DLG2: variants seen among roughly 807,000 people sequenced by gnomAD.
DLG2 encodes the protein discs large MAGUK scaffold protein 2.
A neutral mutation model predicts 132.5 loss-of-function variants in DLG2; 45 were observed. That is an observed-to-expected ratio of 0.34 (90% CI 0.27 to 0.44). The LOEUF (loss-of-function observed/expected upper bound fraction) is 0.44, where lower values mean the gene tolerates loss of function less well. DLG2 is among the 20% of genes least tolerant of loss of function. The pLI is 1.00. For synonymous variants in DLG2, 424 were observed against 419.6 expected (o/e 1.01, Z -0.13); for missense variants, 1,045 against 1,196.9 (o/e 0.87, Z 1.87).
intron 3 of DLG2, among the ~76,000 whole-genome samples, chr11:85,539,025 T>G (rs1233688134): frequency 1.3e-5 from 2 of 151,902 alleles, no homozygotes; most frequent in East Asian, 3.9e-4. Flanking sequence ...AAAAAACACC[T>G]TCTCAGATCC....
At chr11:84,118,433 A>T (rs2093743295) in intron 9 of DLG2, among the ~76,000 whole-genome samples, 1 of 152,228 alleles carries the variant, frequency 6.6e-6, no homozygotes, top group Non-Finnish European at 1.5e-5. Context: ...AATCTAATTC[A>T]TATTTCTCTT....
intron 6 of DLG2, among the ~76,000 whole-genome samples, chr11:85,056,706 T>G (rs1222834417): frequency 4.0e-5 from 6 of 151,726 alleles, no homozygotes; most frequent in Admixed American, 3.3e-4. Flanking sequence ...CATACAATAA[T>G]CAAATTGCTG....
At chr11:83,965,874 T>G (rs1323348509) in intron 12 of DLG2, among the ~76,000 whole-genome samples, 1 of 152,034 alleles carries the variant, frequency 6.6e-6, no homozygotes, top group Admixed American at 6.6e-5. Context: ...ATTTTGACTT[T>G]ATTATACACA....
At chr11:85,316,861 G>A (rs986752387) in intron 3 of DLG2, among the ~76,000 whole-genome samples, 3 of 151,840 alleles carry the variant, frequency 2.0e-5, no homozygotes, top group Non-Finnish European at 4.4e-5. Context: ...ATAAAAGTAC[G>A]GTCCCCACCA....
intron 10 of DLG2, among the ~76,000 whole-genome samples, chr11:84,093,970 T>G (rs1028607454): frequency 2.0e-5 from 3 of 151,834 alleles, no homozygotes; most frequent in Non-Finnish European, 4.4e-5. Flanking sequence ...TTTTATTTTT[T>G]ATTTTTTATT....
intron 6 of DLG2, among the ~76,000 whole-genome samples, chr11:84,921,272 A>T (rs1591328654): frequency 6.6e-6 from 1 of 152,168 alleles, no homozygotes; most frequent in South Asian, 2.1e-4. Flanking sequence ...AGAGCTAATT[A>T]CTGAAAAGGT....
intron 6 of DLG2, among the ~76,000 whole-genome samples, chr11:84,700,405 T>C (rs1468188148): frequency 6.6e-6 from 1 of 151,592 alleles, no homozygotes; most frequent in African/African-American, 2.4e-5. Context: ...TTGATGTGTA[T>C]TGAGACATTT....
intron 7 of DLG2, among the ~76,000 whole-genome samples, chr11:84,450,042 C>CA (rs561094957): frequency 1.6e-4 from 24 of 151,794 alleles, no homozygotes; most frequent in African/African-American, 5.8e-4. Context: ...TTAATCCTCA[C>CA]AAAAAATACC....
intron 21 of DLG2, among the ~76,000 whole-genome samples, chr11:83,502,753 G>A (rs542353924): frequency 2.6e-5 from 4 of 152,094 alleles, no homozygotes; most frequent in South Asian, 4.2e-4. Context: ...AAACCTATAA[G>A]CTGATTTACC....
chr11:83,472,620 G>A (rs1489128506), intron 23 of DLG2, 107 bp downstream of exon 23: 11 of 926,714 alleles, frequency 1.2e-5, no homozygotes, highest in Non-Finnish European at 1.9e-5. Flanking sequence ...AGACAACAGA[G>A]CATTAAGCCG....
intron 6 of DLG2, among the ~76,000 whole-genome samples, chr11:84,737,978 ATTTG>A (rs879617379): frequency 4.7e-4 from 72 of 152,024 alleles, no homozygotes; most frequent in Admixed American, 7.2e-4. Flanking sequence ...TGGGGATTTT[ATTTG>A]TTTGTTTTGC....
At chr11:85,096,064 ATCAGCACTCTGTAAAATGGAATAAG>A (rs1566838515) in intron 6 of DLG2, among the ~76,000 whole-genome samples, 2 of 152,156 alleles carry the variant, frequency 1.3e-5, no homozygotes, top group Non-Finnish European at 2.9e-5. Flanking sequence ...AAACGTACCA[ATCAGCACTCTGTAAAATGGAATAAG>A]TCAGCACTCT....
At chr11:85,426,617 C>A (rs905501700) in intron 3 of DLG2, among the ~76,000 whole-genome samples, 1 of 152,080 alleles carries the variant, frequency 6.6e-6, no homozygotes, top group Non-Finnish European at 1.5e-5. Context: ...CACACCAAAA[C>A]CCCATCTGTA....
intron 7 of DLG2, among the ~76,000 whole-genome samples, chr11:84,385,740 G>A (rs1471860376): frequency 1.3e-5 from 2 of 152,190 alleles, no homozygotes; most frequent in East Asian, 3.9e-4. Flanking sequence ...TGAAAAGATT[G>A]TATATACCTT....
chr11:84,901,164 C>T (rs2090835590), intron 6 of DLG2, among the ~76,000 whole-genome samples: 1 of 151,954 alleles, frequency 6.6e-6, no homozygotes, highest in Non-Finnish European at 1.5e-5. Context: ...AGAAAAGATC[C>T]CCAACAATAG....
chr11:84,574,709 A>G (rs1002167748), intron 6 of DLG2, among the ~76,000 whole-genome samples: 16 of 152,136 alleles, frequency 1.1e-4, no homozygotes, highest in Non-Finnish European at 2.4e-4. Flanking sequence ...ACATTTTCTG[A>G]CCATTGATCA....
At chr11:85,555,993 T>G (rs779743467) in intron 3 of DLG2, among the ~76,000 whole-genome samples, 1 of 151,860 alleles carries the variant, frequency 6.6e-6, no homozygotes, top group Admixed American at 6.6e-5. Flanking sequence ...CTCATGTCCA[T>G]GTATACATAA....
intron 6 of DLG2, among the ~76,000 whole-genome samples, chr11:84,919,453 A>T (rs1249698166): frequency 6.6e-6 from 1 of 152,168 alleles, no homozygotes; most frequent in Non-Finnish European, 1.5e-5. Context: ...TTTTAAAAAT[A>T]AAGGAGCAGA....
intron 6 of DLG2, among the ~76,000 whole-genome samples, chr11:84,657,482 C>T (rs2099689617): frequency 6.6e-6 from 1 of 152,116 alleles, no homozygotes; most frequent in Non-Finnish European, 1.5e-5. Flanking sequence ...ACCCTTTTGA[C>T]ACCAGGAAAC....
Sources: allele counts gnomAD v4.1 joint callset (sites outside exome capture counted in the v4.1 genomes callset), GRCh38; gene constraint gnomAD v4.1.1; transcripts MANE v1.5; gene names NCBI Gene and HGNC (gene_info 2026-07-23, HGNC 2026-07-21).